The following CNST variants were observed in gnomAD, a reference collection of about 807,000 sequenced individuals.
CNST encodes the protein consortin, connexin sorting protein, also known as consortin.
CNST carries 39 observed loss-of-function variants against 72.4 expected under a neutral mutation model. The ratio of observed to expected loss-of-function variants is 0.54; its 90% CI spans 0.42 to 0.70. The LOEUF is 0.70. CNST is among the 30% of genes least tolerant of loss of function. The pLI is 0.00. For synonymous variants in CNST, 332 were observed against 320.1 expected, an observed-to-expected ratio of 1.04 and a Z score of -0.40; for missense variants, 871 against 868.5, an observed-to-expected ratio of 1.00 and a Z score of -0.04.
intron 2 of CNST, among the ~76,000 whole-genome samples, chr1:246,611,337 T>C (rs1275215476): frequency 6.6e-6 from 1 of 152,044 alleles, no homozygotes; most frequent in Non-Finnish European, 1.5e-5. Context: ...GTTCTGGATG[T>C]TGTTTTTTTT....
intron 2 of CNST, among the ~76,000 whole-genome samples, chr1:246,595,796 T>C (rs1289732977): frequency 6.6e-6 from 1 of 152,132 alleles, no homozygotes; most frequent in African/African-American, 2.4e-5. Flanking sequence ...TAAAGTAAAT[T>C]TATTCACTCT....
chr1:246,639,022 G>A (rs964584733), intron 6 of CNST, among the ~76,000 whole-genome samples: 2 of 152,142 alleles, frequency 1.3e-5, no homozygotes, highest in East Asian at 1.9e-4. Flanking sequence ...GGCACGAAGG[G>A]ATAGTTTTAG....
intron 1 of CNST, among the ~76,000 whole-genome samples, chr1:246,568,514 A>G (rs1470184026): frequency 6.6e-6 from 1 of 152,218 alleles, no homozygotes; most frequent in Non-Finnish European, 1.5e-5. Flanking sequence ...TTTATTAGAA[A>G]AACTTGATTA....
intron 8 of CNST, among the ~76,000 whole-genome samples, chr1:246,645,099 A>G (rs912151718): frequency 5.9e-5 from 9 of 152,156 alleles, no homozygotes; most frequent in Admixed American, 2.0e-4. Context: ...TCAGGGTGTC[A>G]GGGGAGGTGC....
chr1:246,607,335 T>G (rs1338667939), intron 2 of CNST: 1 of 152,068 alleles, frequency 6.6e-6, no homozygotes, highest in East Asian at 1.9e-4. Flanking sequence ...ATTGGACACA[T>G]TCGTGGTAAG....
chr1:246,665,841 A>G lies in CNST; in HGVS notation c.2114A>G (p.Asp705Gly). 1 of 1,614,084 alleles carries G rather than the reference A, an allele frequency of 6.2e-7. No individual in the cohort carries two copies. The highest frequency in any genetic ancestry group is 8.5e-7 in the Non-Finnish European group (1 of 1,179,992). ...TGTACTGACTTTGCAGACAACATGG[A>G]CTTCTATTACACTAAGTTACTTCAG... ...PVCTDFADNM[D>G]FYYTKLLQGV... Residue 705 changes from aspartate to glycine, a missense_variant, in exon 11 of 11, where the codon GAC becomes GGC. Physicochemically the swap from Asp to Gly is moderately conservative, Grantham distance 94 (BLOSUM62 -1). Transcript: ENST00000366513.
intron 1 of CNST, among the ~76,000 whole-genome samples, chr1:246,575,156 G>A (rs1231427668): frequency 6.6e-6 from 1 of 152,066 alleles, no homozygotes; most frequent in Non-Finnish European, 1.5e-5. Context: ...GCCAAGCCTG[G>A]CTAATTTTTG....
intron 1 of CNST, among the ~76,000 whole-genome samples, chr1:246,576,234 C>CAAAAA (rs1232775346): frequency 7.3e-5 from 1 of 13,732 alleles, no homozygotes; most frequent in Non-Finnish European, 1.3e-4. Context: ...GACTCCGTCT[C>CAAAAA]AAAAAAAAAA....
In CNST at chr1:246,647,189, G is replaced by A. The variant is rs1315921372; in HGVS notation, c.988G>A (p.Val330Met). 1 of 1,614,004 alleles carries A rather than the reference G, an allele frequency of 6.2e-7. No individual in the cohort carries two copies. Among genetic ancestry groups the A allele is most frequent in the African/African-American group, 1.3e-5 (1 of 74,944 alleles). ...GTCAAGTAAAGAAAGCCAACATACA[G>A]TGGAGCCCCTGGGGAGCAGTCCCTG... ...TESSKESQHT[V>M]EPLGSSPCCH... The change falls in exon 9 of 11, where the codon GTG (valine) becomes ATG (methionine). Residue 330 changes from valine (V) to methionine (M), a missense_variant. Transcript: ENST00000366513.
rs1340728579 is a variant in CNST, at chr1:246,633,931, A to G, written c.624A>G (p.Lys208=). The G allele has an allele frequency of 1.2e-6, 2 of 1,604,248 alleles. No homozygotes were observed. The highest frequency in any genetic ancestry group is 1.7e-6 in the Non-Finnish European group (2 of 1,171,292). ...CTTAAATGTTCTATTCAGATGAGAAAGCAATGAAATTCATTCAGCTAGAAC... is the reference window on the plus strand; with the variant it reads ...CTTAAATGTTCTATTCAGATGAGAAGGCAATGAAATTCATTCAGCTAGAAC... ...ESYFQEEDYE[K]AMKFIQLERL... Residue 208 remains lysine (K), a synonymous_variant, in exon 5 of 11, where the codon AAA becomes AAG. Transcript: ENST00000366513.
intron 8 of CNST, among the ~76,000 whole-genome samples, chr1:246,644,128 C>T (rs146318421): frequency 0.03 from 4,615 of 152,226 alleles, 237 homozygotes; most frequent in African/African-American, 0.11. Flanking sequence ...TTGCCGGGCG[C>T]GATGGCTCAT....
intron 2 of CNST, among the ~76,000 whole-genome samples, chr1:246,610,926 C>G (rs542271479): frequency 6.6e-6 from 1 of 152,120 alleles, no homozygotes; most frequent in Admixed American, 6.5e-5. Context: ...ATGCCTCAAC[C>G]GTATTTTTTT....
At chr1:246,600,292 A>G (rs1662185347) in intron 2 of CNST, among the ~76,000 whole-genome samples, 1 of 152,274 alleles carries the variant, frequency 6.6e-6, no homozygotes, top group Non-Finnish European at 1.5e-5. Context: ...TTAGAAGATT[A>G]GCAAAGTCCA....
At chr1:246,576,830 C>T (rs926459787) in intron 1 of CNST, among the ~76,000 whole-genome samples, 3 of 151,842 alleles carry the variant, frequency 2.0e-5, no homozygotes, top group Non-Finnish European at 2.9e-5. Context: ...ATCCTATTAC[C>T]CCTTCCCTTG....
intron 2 of CNST, among the ~76,000 whole-genome samples, chr1:246,615,498 A>G (rs968093547): frequency 1.3e-5 from 2 of 151,762 alleles, no homozygotes; most frequent in African/African-American, 4.8e-5. Flanking sequence ...AAAAAGAAAT[A>G]ATACCTCTTC....
At chr1:246,581,038 C>T (rs1261532328) in intron 1 of CNST, among the ~76,000 whole-genome samples, 2 of 151,700 alleles carry the variant, frequency 1.3e-5, no homozygotes, top group Non-Finnish European at 2.9e-5. Flanking sequence ...CACGCCCAGC[C>T]TGAAGGTTTC....
chr1:246,634,767 C>A (rs749681496), intron 6 of CNST, among the ~76,000 whole-genome samples, 180 bp downstream of exon 6: 5 of 152,240 alleles, frequency 3.3e-5, no homozygotes, highest in Non-Finnish European at 5.9e-5. Context: ...ACAGACAGCA[C>A]AAGGCGGTGT....
At chr1:246,576,277 G>GGT (rs1468346136) in intron 1 of CNST, among the ~76,000 whole-genome samples, 2 of 106,772 alleles carry the variant, frequency 1.9e-5, no homozygotes, top group African/African-American at 6.9e-5. Context: ...CTCAGTAATT[G>GGT]GTGGTGGGAG....
intron 10 of CNST, among the ~76,000 whole-genome samples, chr1:246,664,712 C>A (rs571571424): frequency 6.6e-6 from 1 of 152,182 alleles, no homozygotes; most frequent in Non-Finnish European, 1.5e-5. Context: ...AGGCGTGAGC[C>A]ACCACACCCA....
Sources: allele counts gnomAD v4.1 joint callset (sites outside exome capture counted in the v4.1 genomes callset), GRCh38; gene constraint gnomAD v4.1.1; transcripts MANE v1.5; gene names NCBI Gene and HGNC (gene_info 2026-07-23, HGNC 2026-07-21).